The following MICU2 variants were observed in gnomAD, a reference collection of about 807,000 sequenced individuals.
The protein encoded by MICU2 is mitochondrial calcium uptake 2, also known as calcium uptake protein 2, mitochondrial.
MICU2 carries 64 observed loss-of-function variants against 60.4 expected under a neutral mutation model. The ratio of observed to expected loss-of-function variants is 1.06; its 90% CI spans 0.87 to 1.31. MICU2 has a LOEUF of 1.31. MICU2 is among the 50% of genes most tolerant of loss of function. MICU2 has a pLI of 0.00. For synonymous variants in MICU2, 201 were observed against 175.0 expected, an observed-to-expected ratio of 1.15 and a Z score of -1.17; for missense variants, 569 against 531.0, an observed-to-expected ratio of 1.07 and a Z score of -0.70.
At chr13:21,602,040 A>G (rs1450638129) in intron 1 of MICU2, among the ~76,000 whole-genome samples, 1 of 151,578 alleles carries the variant, frequency 6.6e-6, no homozygotes, top group South Asian at 2.1e-4. Flanking sequence ...CCGGGGAGTT[A>G]AGAGGTTGTA....
intron 5 of MICU2, 40 bp from the exon 6 acceptor site, chr13:21,521,367 A>C (rs1281730925): frequency 6.5e-7 from 1 of 1,543,216 alleles, no homozygotes; most frequent in Admixed American, 1.9e-5. Flanking sequence ...ATGTTGATGA[A>C]AACCAAGTTA....
chr13:21,560,275 C>G (rs532955526), intron 2 of MICU2, among the ~76,000 whole-genome samples: 34 of 152,032 alleles, frequency 2.2e-4, no homozygotes, highest in African/African-American at 7.5e-4. Context: ...TTAAAATTTT[C>G]TTTGAAAAAT....
chr13:21,598,879 CAG>C (rs1888754526), intron 1 of MICU2, among the ~76,000 whole-genome samples: 1 of 152,126 alleles, frequency 6.6e-6, no homozygotes, highest in Non-Finnish European at 1.5e-5. Context: ...AACCACAACA[CAG>C]GGGTCCCTAA....
intron 1 of MICU2, among the ~76,000 whole-genome samples, chr13:21,597,748 G>A (rs904270703): frequency 1.3e-5 from 2 of 151,908 alleles, no homozygotes; most frequent in African/African-American, 2.4e-5. Context: ...TGGCTAACAC[G>A]GTGAAACCCC....
At chr13:21,595,621 T>C (rs1566172595) in intron 1 of MICU2, among the ~76,000 whole-genome samples, 1 of 152,256 alleles carries the variant, frequency 6.6e-6, no homozygotes, top group Non-Finnish European at 1.5e-5. Context: ...TCAGGCCACA[T>C]TCTTCCACCC....
Position 21,537,325 on chromosome 13 carries a change from C to T in MICU2, c.466+1977G>A, listed in dbSNP as rs185631213. Among the ~76,000 whole-genome samples the T allele has an allele frequency of 2.1e-3, 314 of 152,272 alleles. 1 individual carries two copies. The highest frequency in any genetic ancestry group is 7.4e-3 in the African/African-American group (306 of 41,546). On this transcript the variant is annotated intron_variant, in intron 4 of 11. Coordinates refer to ENST00000382374, the MANE Select transcript of MICU2 (RefSeq NM_152726.3). The stretch of plus-strand genomic sequence containing the variant: ...TACACTGATCAATGACTCATTCTTT[C>T]ATAATCTATGTTCTCTTCTAGTCCT...
At position 21,530,839 on chromosome 13, in the gene MICU2, G is replaced by A. The variant is rs538986275; in HGVS notation, c.467-8189C>T. The A allele has an allele frequency of 1.2e-5, 9 of 726,872 alleles. 1 individual carries two copies. Among genetic ancestry groups the A allele is most frequent in the African/African-American group, 7.0e-5 (4 of 57,438 alleles). 45.0% of individuals were successfully genotyped at this position (726,872 alleles called of 1,614,324 possible). On this transcript the variant is annotated intron_variant, in intron 4 of 11. Transcript: ENST00000382374. ...GGCAAGCCGTGGTGCCCCCATGGAC[G>A]ACGGGTTTCTGAGCCTGGACTCACC... is the stretch of plus-strand genomic sequence containing the variant.
intron 6 of MICU2, among the ~76,000 whole-genome samples, chr13:21,515,151 G>A (rs998817283): frequency 1.3e-5 from 2 of 149,884 alleles, no homozygotes; most frequent in African/African-American, 5.0e-5. Flanking sequence ...GCACGATCCC[G>A]GCTGACTGCA....
chr13:21,534,223 T>A (rs187918255), intron 4 of MICU2, among the ~76,000 whole-genome samples: 1 of 151,536 alleles, frequency 6.6e-6, no homozygotes, highest in East Asian at 1.9e-4. Context: ...TTTTTTTTTT[T>A]AAGACAAGGT....
intron 2 of MICU2, among the ~76,000 whole-genome samples, chr13:21,556,220 A>C (rs1419123883): frequency 3.9e-5 from 6 of 152,176 alleles, no homozygotes; most frequent in Non-Finnish European, 8.8e-5. Flanking sequence ...GCCAAATCTA[A>C]TGGTCAATTC....
chr13:21,573,533 A>G (rs1326516983), intron 1 of MICU2, among the ~76,000 whole-genome samples: 2 of 152,160 alleles, frequency 1.3e-5, no homozygotes, highest in Non-Finnish European at 2.9e-5. Context: ...CGGCCTATAA[A>G]AGTGCTGGGA....
chr13:21,524,796 C>CCT (rs1263972627), intron 4 of MICU2, among the ~76,000 whole-genome samples: 1 of 152,158 alleles, frequency 6.6e-6, no homozygotes, highest in Admixed American at 6.5e-5. Context: ...GCCTCTGGCC[C>CCT]CTGCAACCTC....
intron 2 of MICU2, among the ~76,000 whole-genome samples, chr13:21,565,674 A>G (rs1375027660): frequency 6.7e-6 from 1 of 149,774 alleles, no homozygotes; most frequent in East Asian, 2.0e-4. Context: ...CAAACAAACA[A>G]AAACAAAAAT....
intron 1 of MICU2, chr13:21,602,824 A>T (rs905552377): frequency 1.1e-4 from 16 of 152,236 alleles, no homozygotes; most frequent in Non-Finnish European, 2.2e-4. Context: ...TAAATCTAAA[A>T]AAGAAAATAA....
chr13:21,539,412 A>C, intron 3 of MICU2, 35 bp from the exon 4 acceptor site: 1 of 1,584,452 alleles, frequency 6.3e-7, no homozygotes. Context: ...AACTTCTAAA[A>C]GTTCATTTTC....
intron 1 of MICU2, among the ~76,000 whole-genome samples, chr13:21,598,698 T>C (rs1593362930): frequency 6.6e-6 from 1 of 151,946 alleles, no homozygotes; most frequent in East Asian, 1.9e-4. Flanking sequence ...CCTGAGTGAC[T>C]GAGCAAGACT....
At chr13:21,496,901 A>C (rs1349813618) in intron 9 of MICU2, among the ~76,000 whole-genome samples, 1 of 152,042 alleles carries the variant, frequency 6.6e-6, no homozygotes, top group African/African-American at 2.4e-5. Flanking sequence ...TAAAAACACA[A>C]AAACAAAAAA....
At chr13:21,531,777 G>A (rs2138182369) in intron 4 of MICU2, among the ~76,000 whole-genome samples, 1 of 152,268 alleles carries the variant, frequency 6.6e-6, no homozygotes, top group East Asian at 1.9e-4. Context: ...TGCTATCACT[G>A]TAGCCAACTA....
intron 8 of MICU2, among the ~76,000 whole-genome samples, chr13:21,508,316 G>A (rs766725553): frequency 4.0e-5 from 6 of 151,824 alleles, no homozygotes; most frequent in Admixed American, 6.6e-5. Flanking sequence ...TAGTAGAGAC[G>A]GGGTTTCACC....
Sources: allele counts gnomAD v4.1 joint callset (sites outside exome capture counted in the v4.1 genomes callset), GRCh38; gene constraint gnomAD v4.1.1; transcripts MANE v1.5; gene names NCBI Gene and HGNC (gene_info 2026-07-23, HGNC 2026-07-21).